PRKG1: variants seen among roughly 807,000 people sequenced by gnomAD.
The protein encoded by PRKG1 is cGMP-dependent protein kinase 1.
PRKG1 carries 35 observed loss-of-function variants against 88.1 expected under a neutral mutation model. The observed-to-expected ratio is 0.40, with a 90% CI of 0.30 to 0.53. The LOEUF is 0.53. PRKG1 is among the 20% of genes least tolerant of loss of function. The pLI, the probability that PRKG1 is intolerant of heterozygous loss-of-function variation, is 0.59. For synonymous variants in PRKG1, 303 were observed against 292.5 expected (o/e 1.04, Z -0.37); for missense variants, 540 against 839.8 (o/e 0.64, Z 4.41).
At chr10:51,858,108 A>G (rs1840732629) in intron 4 of PRKG1, among the ~76,000 whole-genome samples, 5 of 65,122 alleles carry the variant, frequency 7.7e-5, no homozygotes. Flanking sequence ...TACATATTAT[A>G]CATATATATA....
chr10:51,257,351 T>C (rs906661043), intron 2 of PRKG1, among the ~76,000 whole-genome samples: 1 of 152,146 alleles, frequency 6.6e-6, no homozygotes, highest in African/African-American at 2.4e-5. Context: ...CAAAATCATG[T>C]GTGGGTCAGA....
chr10:51,968,291 C>G (rs1204074315), intron 5 of PRKG1, among the ~76,000 whole-genome samples: 1 of 152,016 alleles, frequency 6.6e-6, no homozygotes, highest in African/African-American at 2.4e-5. Flanking sequence ...ACTTCTTTGG[C>G]AAGCCAGATA....
At chr10:51,876,689 T>G (rs1288088473) in intron 4 of PRKG1, among the ~76,000 whole-genome samples, 1 of 152,162 alleles carries the variant, frequency 6.6e-6, no homozygotes, top group Non-Finnish European at 1.5e-5. Flanking sequence ...CTGCAAGTGT[T>G]TGCTTGAGGG....
intron 2 of PRKG1, among the ~76,000 whole-genome samples, chr10:51,411,158 C>T (rs1838076069): frequency 6.6e-6 from 1 of 152,116 alleles, no homozygotes; most frequent in Non-Finnish European, 1.5e-5. Context: ...CACCACCACG[C>T]TTGGCTAATT....
chr10:51,622,880 T>A (rs981352495), intron 3 of PRKG1, among the ~76,000 whole-genome samples: 5 of 152,256 alleles, frequency 3.3e-5, no homozygotes, highest in African/African-American at 1.2e-4. Flanking sequence ...GTTTCATTCA[T>A]AGTGCTAAGA....
chr10:51,218,967 G>A (rs576495654), intron 2 of PRKG1, among the ~76,000 whole-genome samples: 12 of 152,148 alleles, frequency 7.9e-5, no homozygotes, highest in Admixed American at 6.6e-5. Flanking sequence ...CCTTGGGCAA[G>A]TTATTTAACC....
chr10:51,580,674 G>A (rs1345071651), intron 3 of PRKG1, among the ~76,000 whole-genome samples: 1 of 151,912 alleles, frequency 6.6e-6, no homozygotes, highest in Non-Finnish European at 1.5e-5. Context: ...AGATCAATTT[G>A]AGGGGCAGCT....
chr10:51,359,812 A>C (rs1306192270), intron 2 of PRKG1, among the ~76,000 whole-genome samples: 1 of 151,958 alleles, frequency 6.6e-6, no homozygotes, highest in Non-Finnish European at 1.5e-5. Flanking sequence ...ATGGGAAAAG[A>C]ACTCTACTTT....
chr10:51,975,746 G>A (rs1369008346), intron 5 of PRKG1, among the ~76,000 whole-genome samples: 1 of 152,010 alleles, frequency 6.6e-6, no homozygotes, highest in African/African-American at 2.4e-5. Flanking sequence ...GGGTCAGGCA[G>A]TGGTTTTTAG....
intron 1 of PRKG1, among the ~76,000 whole-genome samples, chr10:51,143,752 C>A (rs558407507): frequency 1.5e-4 from 23 of 151,868 alleles, no homozygotes; most frequent in Non-Finnish European, 2.1e-4. Flanking sequence ...TACTCATTGG[C>A]CATGTTTATT....
chr10:52,199,759 G>A (rs1361838574), intron 9 of PRKG1, among the ~76,000 whole-genome samples: 1 of 152,106 alleles, frequency 6.6e-6, no homozygotes, highest in Non-Finnish European at 1.5e-5. Context: ...GGGAGATTCC[G>A]CAGGTCCTTT....
chr10:51,320,289 G>C (rs775702096), intron 2 of PRKG1: 2 of 168,916 alleles, frequency 1.2e-5, no homozygotes, highest in Non-Finnish European at 2.8e-5. Flanking sequence ...CAGATATTAG[G>C]AAGCTCACAA....
chr10:51,739,013 A>G (rs1311947640), intron 3 of PRKG1, among the ~76,000 whole-genome samples: 2 of 152,188 alleles, frequency 1.3e-5, no homozygotes, highest in Non-Finnish European at 2.9e-5. Flanking sequence ...TAGAAGGGCC[A>G]TGTTACTTGT....
chr10:52,192,053 G>A (rs527791268), intron 9 of PRKG1, among the ~76,000 whole-genome samples: 3 of 152,022 alleles, frequency 2.0e-5, no homozygotes, highest in Non-Finnish European at 4.4e-5. Context: ...TGGTGCTTTT[G>A]GTGACAAATC....
chr10:51,189,344 AAGT>A (rs1298320830), intron 2 of PRKG1, among the ~76,000 whole-genome samples: 4 of 151,954 alleles, frequency 2.6e-5, no homozygotes, highest in Admixed American at 2.6e-4. Context: ...ATTAGGAACA[AAGT>A]AGGTATATAG....
chr10:51,942,819 T>C (rs1842940057), intron 5 of PRKG1, among the ~76,000 whole-genome samples: 1 of 151,116 alleles, frequency 6.6e-6, no homozygotes, highest in African/African-American at 2.5e-5. Context: ...TATATCTCTG[T>C]TTTGGTACCA....
chr10:51,289,245 G>GT (rs1053539910), intron 2 of PRKG1, among the ~76,000 whole-genome samples: 6 of 152,112 alleles, frequency 3.9e-5, no homozygotes, highest in Admixed American at 1.3e-4. Context: ...GGCATCAGTG[G>GT]TTTTTTGCTT....
At chr10:51,350,839 G>A (rs542464191) in intron 2 of PRKG1, among the ~76,000 whole-genome samples, 2 of 152,150 alleles carry the variant, frequency 1.3e-5, no homozygotes, top group African/African-American at 2.4e-5. Flanking sequence ...ACAGGTATAC[G>A]CGTGCCATGG....
At chr10:51,893,052 G>T (rs1223257475) in intron 4 of PRKG1, among the ~76,000 whole-genome samples, 6 of 152,122 alleles carry the variant, frequency 3.9e-5, no homozygotes, top group African/African-American at 1.4e-4. Context: ...GGTGCAGTGT[G>T]ATCTTTTGAA....
Sources: gnomAD v4.1 joint callset for allele counts (sites outside exome capture counted in the v4.1 genomes callset) on GRCh38, gnomAD v4.1.1 for gene constraint, MANE v1.5 for transcripts, NCBI Gene and HGNC (gene_info 2026-07-23, HGNC 2026-07-21) for gene names.